The following GPC5 variants were observed in gnomAD, a reference collection of about 807,000 sequenced individuals.
The protein encoded by GPC5 is glypican 5.
Under a neutral mutation model 53.9 loss-of-function variants are expected in GPC5, and 47 were observed. The observed-to-expected ratio is 0.87, with a 90% CI of 0.69 to 1.11. GPC5 has a LOEUF of 1.11. GPC5 is among the 50% of genes most tolerant of loss of function. The pLI, the probability that GPC5 is intolerant of heterozygous loss-of-function variation, is 0.00. For synonymous variants in GPC5, 286 were observed against 263.3 expected (o/e 1.09, Z -0.84); for missense variants, 748 against 713.1 (o/e 1.05, Z -0.56).
At chr13:91,686,993 T>A (rs999712643) in intron 2 of GPC5, among the ~76,000 whole-genome samples, 9 of 152,032 alleles carry the variant, frequency 5.9e-5, no homozygotes, top group African/African-American at 1.7e-4. Flanking sequence ...ATCTATTTCA[T>A]TTCTATATTT....
At chr13:92,306,195 A>G (rs918665435) in intron 7 of GPC5, among the ~76,000 whole-genome samples, 5 of 152,324 alleles carry the variant, frequency 3.3e-5, no homozygotes, top group African/African-American at 4.8e-5. Context: ...GCAAAAGTGG[A>G]AGTCCATTTT....
chr13:92,862,785 A>T (rs1879224553), intron 7 of GPC5, among the ~76,000 whole-genome samples: 1 of 152,212 alleles, frequency 6.6e-6, no homozygotes, highest in Admixed American at 6.5e-5. Context: ...GAACGAGCAA[A>T]TTAACAATGT....
chr13:92,004,952 G>C (rs1277483302), intron 6 of GPC5, among the ~76,000 whole-genome samples: 1 of 152,082 alleles, frequency 6.6e-6, no homozygotes, highest in Non-Finnish European at 1.5e-5. Flanking sequence ...TAGATGGCTT[G>C]CTTTTATTCT....
At chr13:91,719,321 G>C (rs2036415037) in intron 3 of GPC5, among the ~76,000 whole-genome samples, 1 of 152,214 alleles carries the variant, frequency 6.6e-6, no homozygotes, top group Admixed American at 6.5e-5. Context: ...CTAGGTCCTT[G>C]AATATGTGTG....
chr13:91,696,970 C>T, intron 3 of GPC5, among the ~76,000 whole-genome samples: 1 of 152,092 alleles, frequency 6.6e-6, no homozygotes, highest in East Asian at 1.9e-4. Context: ...CTTATTTTAT[C>T]TCTGTTTGCT....
intron 7 of GPC5, among the ~76,000 whole-genome samples, chr13:92,487,698 T>C (rs2139442009): frequency 6.6e-6 from 1 of 152,228 alleles, no homozygotes; most frequent in African/African-American, 2.4e-5. Context: ...GACACAATTC[T>C]GTGAGAAATG....
At chr13:91,793,419 G>A (rs1042441868) in intron 5 of GPC5, among the ~76,000 whole-genome samples, 3 of 152,082 alleles carry the variant, frequency 2.0e-5, no homozygotes, top group Non-Finnish European at 4.4e-5. Flanking sequence ...ATATCAGAAG[G>A]TAACATTCAA....
At chr13:91,943,388 T>C (rs1314629035) in intron 6 of GPC5, among the ~76,000 whole-genome samples, 1 of 152,110 alleles carries the variant, frequency 6.6e-6, no homozygotes, top group Admixed American at 6.5e-5. Flanking sequence ...TTTTCTGTAT[T>C]CTTTATTTCA....
At chr13:91,942,697 A>T (rs2039938985) in intron 6 of GPC5, among the ~76,000 whole-genome samples, 1 of 151,962 alleles carries the variant, frequency 6.6e-6, no homozygotes, top group African/African-American at 2.4e-5. Flanking sequence ...ATGACACTGA[A>T]AACTTTCATC....
intron 7 of GPC5, among the ~76,000 whole-genome samples, chr13:92,178,356 G>A (rs187820192): frequency 6.6e-6 from 1 of 151,744 alleles, no homozygotes; most frequent in African/African-American, 2.4e-5. Flanking sequence ...AAAACTGGAG[G>A]TATTTGCCAC....
At chr13:92,854,616 T>C (rs1043844715) in intron 7 of GPC5, among the ~76,000 whole-genome samples, 1 of 151,970 alleles carries the variant, frequency 6.6e-6, no homozygotes, top group East Asian at 1.9e-4. Context: ...TATCACTGAC[T>C]TTTCTCAAAG....
intron 2 of GPC5, among the ~76,000 whole-genome samples, chr13:91,647,514 T>A (rs2034590835): frequency 6.6e-6 from 1 of 152,256 alleles, no homozygotes; most frequent in Admixed American, 6.5e-5. Context: ...ACATCATTTC[T>A]GCATTCCTCC....
intron 7 of GPC5, among the ~76,000 whole-genome samples, chr13:92,412,353 T>G (rs1876082571): frequency 6.6e-6 from 1 of 152,140 alleles, no homozygotes; most frequent in Non-Finnish European, 1.5e-5. Flanking sequence ...TGCCTGAGGA[T>G]CTTATGTTTT....
At chr13:92,156,037 G>C (rs1366369727) in intron 7 of GPC5, among the ~76,000 whole-genome samples, 5 of 152,100 alleles carry the variant, frequency 3.3e-5, no homozygotes, top group Non-Finnish European at 7.4e-5. Flanking sequence ...ATAAAGCTTT[G>C]TTTCAATAGC....
chr13:92,410,018 T>C (rs995390561), intron 7 of GPC5, among the ~76,000 whole-genome samples: 3 of 152,222 alleles, frequency 2.0e-5, no homozygotes, highest in African/African-American at 7.2e-5. Context: ...AGAGTGGTTT[T>C]CCCAGTTATC....
intron 5 of GPC5, among the ~76,000 whole-genome samples, chr13:91,888,202 AC>A (rs1052982873): frequency 2.6e-5 from 4 of 152,116 alleles, no homozygotes; most frequent in Non-Finnish European, 5.9e-5. Flanking sequence ...GTGCAGGGGA[AC>A]TGCCCTTTTT....
intron 6 of GPC5, among the ~76,000 whole-genome samples, chr13:92,139,852 G>T (rs377554675): frequency 6.6e-6 from 1 of 152,038 alleles, no homozygotes; most frequent in African/African-American, 2.4e-5. Flanking sequence ...GGCATTGAAG[G>T]CAGGGTAAGC....
At chr13:92,381,097 G>C (rs1171564670) in intron 7 of GPC5, among the ~76,000 whole-genome samples, 1 of 152,122 alleles carries the variant, frequency 6.6e-6, no homozygotes, top group Non-Finnish European at 1.5e-5. Context: ...ATTTTAATGT[G>C]AACACAGGGT....
rs1283937477 is a variant in GPC5 at position 92,595,340 on chromosome 13, A to G, written c.1562-270942A>G. 2.0e-5 allele frequency among the ~76,000 whole-genome samples: 3 copies of G among 152,220 alleles called. No individual in the cohort carries two copies. The East Asian group carries it at 5.8e-4, about 29-fold the overall frequency. ...CAATGATCATCTACATCATTCTCTCATGAACTTATGCACAACTATATGAGC... is the reference window on the plus strand; with the variant it reads ...CAATGATCATCTACATCATTCTCTCGTGAACTTATGCACAACTATATGAGC... On this transcript the variant is annotated intron_variant, in intron 7 of 7. Transcript: ENST00000377067.
Sources: allele counts gnomAD v4.1 joint callset (sites outside exome capture counted in the v4.1 genomes callset), GRCh38; gene constraint gnomAD v4.1.1; transcripts MANE v1.5; gene names NCBI Gene and HGNC (gene_info 2026-07-23, HGNC 2026-07-21).